The following SIL1 variants were observed in gnomAD, a reference collection of about 807,000 sequenced individuals.
The protein encoded by SIL1 is SIL1 nucleotide exchange factor.
SIL1 carries 40 observed loss-of-function variants against 49.1 expected under a neutral mutation model. The observed-to-expected ratio is 0.81, with a 90% CI of 0.63 to 1.06. The LOEUF (loss-of-function observed/expected upper bound fraction) is 1.06, where lower values mean the gene tolerates loss of function less well. Among genes scored for constraint, SIL1 ranks in the 50% least tolerant of loss-of-function variants. The probability of loss-of-function intolerance (pLI) is 0.00; values close to 1 mark genes in which losing one functional copy is unlikely to be tolerated. For missense variants in SIL1, 500 were observed against 572.6 expected (o/e 0.87, Z 1.29); for synonymous variants, 253 against 250.8 (o/e 1.01, Z -0.08).
chr5:139,091,219 A>C (rs1302458702), intron 3 of SIL1, among the ~76,000 whole-genome samples: 1 of 152,168 alleles, frequency 6.6e-6, no homozygotes, highest in Non-Finnish European at 1.5e-5. Flanking sequence ...ATTATGCAAA[A>C]ATAAAAAGTT....
At chr5:139,011,283 C>T (rs1005733402) in intron 7 of SIL1, among the ~76,000 whole-genome samples, 3 of 150,946 alleles carry the variant, frequency 2.0e-5, no homozygotes, top group African/African-American at 7.3e-5. Context: ...TGACCCCTTG[C>T]GCTTCCCAGG....
At chr5:139,097,402 A>G (rs892782230) in intron 3 of SIL1, among the ~76,000 whole-genome samples, 3 of 152,172 alleles carry the variant, frequency 2.0e-5, no homozygotes, top group Non-Finnish European at 2.9e-5. Context: ...AATAACTTAA[A>G]GACTCCCCCA....
chr5:138,982,648 G>A (rs1404545493), intron 7 of SIL1, among the ~76,000 whole-genome samples: 4 of 152,334 alleles, frequency 2.6e-5, no homozygotes, highest in African/African-American at 9.6e-5. Context: ...GTTTGGCCAA[G>A]GTCACTGTAC....
intron 1 of SIL1, among the ~76,000 whole-genome samples, chr5:139,153,455 G>C (rs1751348201): frequency 6.6e-6 from 1 of 152,156 alleles, no homozygotes; most frequent in Admixed American, 6.5e-5. Flanking sequence ...ACTAGCTCAA[G>C]ACTTGAGACA....
At chr5:139,084,792 A>T (rs1346730524) in intron 3 of SIL1, among the ~76,000 whole-genome samples, 1 of 150,880 alleles carries the variant, frequency 6.6e-6, no homozygotes, top group Non-Finnish European at 1.5e-5. Context: ...AATAAAAATA[A>T]AAATAAATAA....
At chr5:139,163,384 T>C (rs1490186314) in intron 1 of SIL1, among the ~76,000 whole-genome samples, 1 of 152,156 alleles carries the variant, frequency 6.6e-6, no homozygotes. Flanking sequence ...TTTTTTCTTT[T>C]GTGGAGACAA....
In SIL1 at chr5:139,170,935, G is replaced by A. The variant is rs1183276074; in HGVS notation, c.-11+27334C>T. On this transcript the variant is annotated intron_variant, in intron 1 of 9. Coordinates refer to ENST00000394817, the MANE Select transcript of SIL1 (RefSeq NM_022464.5). ...GCCCCTCTGCCCAGCCAGCCGCCCC[G>A]TCCGGGAGGGAGGTGGGGGGGTCAG... is the stretch of plus-strand genomic sequence containing the variant. Among the ~76,000 whole-genome samples, 11 of 145,674 alleles carry A rather than the reference G, an allele frequency of 7.6e-5. 1 individual carries two copies. The South Asian group carries it at 1.1e-3, about 15-fold the overall frequency.
chr5:139,087,857 C>T (rs957997154), intron 3 of SIL1, among the ~76,000 whole-genome samples: 1 of 152,154 alleles, frequency 6.6e-6, no homozygotes, highest in African/African-American at 2.4e-5. Flanking sequence ...AAGAAAAAGC[C>T]TCCTCAGGGA....
intron 5 of SIL1, chr5:139,035,349 T>C: frequency 1.9e-6 from 1 of 533,140 alleles, no homozygotes. Context: ...TCCACTGTGT[T>C]TGATGTTTTT....
chr5:139,148,409 C>A (rs1033909689), intron 1 of SIL1, among the ~76,000 whole-genome samples: 2 of 152,154 alleles, frequency 1.3e-5, no homozygotes, highest in African/African-American at 4.8e-5. Flanking sequence ...ATAGGGATAC[C>A]AGTGGGACCC....
chr5:139,184,036 T>C (rs17131959), intron 1 of SIL1, among the ~76,000 whole-genome samples: 5,916 of 152,254 alleles, frequency 0.039, 384 homozygotes, highest in African/African-American at 0.13. Flanking sequence ...ATTGCCCCAT[T>C]GAAGCTTTAG....
chr5:138,946,818 G>GT lies in SIL1; in HGVS notation c.*298dup. The GT allele has an allele frequency of 4.2e-6, 2 of 471,882 alleles. No homozygotes were observed. The highest frequency in any genetic ancestry group is 7.8e-6 in the Non-Finnish European group (2 of 255,490). The allele number at this position is 471,882 out of a possible 1,614,324, so 29.2% of individuals were successfully genotyped here. A position where few individuals can be genotyped will look rare whatever the true frequency, so the allele number is the denominator to read the frequency against. ...TCCCAAGGTACAGAGCTGCTGCTTG[G>GT]TAAGAAGCAGAGACTTGCAACTCCT... On this transcript the variant is annotated 3_prime_UTR_variant, in exon 10 of 10. Coordinates refer to ENST00000394817, the MANE Select transcript of SIL1 (RefSeq NM_022464.5).
intron 7 of SIL1, among the ~76,000 whole-genome samples, chr5:138,992,723 T>C (rs967529813): frequency 9.7e-5 from 14 of 144,804 alleles, no homozygotes; most frequent in Admixed American, 3.4e-4. Flanking sequence ...CGGGGAAGGG[T>C]GGGAGGGGGT....
intron 3 of SIL1, among the ~76,000 whole-genome samples, chr5:139,116,991 A>G (rs907941341): frequency 2.0e-5 from 3 of 152,218 alleles, no homozygotes; most frequent in Non-Finnish European, 4.4e-5. Flanking sequence ...GCTCAAAGAG[A>G]GAGCTGCAGA....
At chr5:139,131,051 G>A (rs558472362) in intron 1 of SIL1, among the ~76,000 whole-genome samples, 16 of 152,262 alleles carry the variant, frequency 1.1e-4, no homozygotes, top group South Asian at 6.2e-4. Flanking sequence ...TAGGATAGAC[G>A]TCAAGAAAAC....
At chr5:139,030,613 C>CA (rs1200512912) in intron 5 of SIL1, among the ~76,000 whole-genome samples, 85 of 81,908 alleles carry the variant, frequency 1.0e-3, no homozygotes, top group South Asian at 3.6e-3. Flanking sequence ...GAGACCCTGT[C>CA]AAAAAAAAAA....
intron 3 of SIL1, among the ~76,000 whole-genome samples, chr5:139,067,770 G>C (rs1474124973): frequency 6.6e-6 from 1 of 152,218 alleles, no homozygotes; most frequent in Non-Finnish European, 1.5e-5. Context: ...TTAGTGCAAG[G>C]CTTTTGGGCA....
intron 7 of SIL1, among the ~76,000 whole-genome samples, chr5:138,976,208 T>G (rs1767390216): frequency 6.6e-6 from 1 of 152,078 alleles, no homozygotes; most frequent in South Asian, 2.1e-4. Context: ...TGCCCATACC[T>G]CTGCCTCCAG....
At chr5:139,165,140 C>G (rs532600659) in intron 1 of SIL1, among the ~76,000 whole-genome samples, 23 of 152,308 alleles carry the variant, frequency 1.5e-4, no homozygotes, top group African/African-American at 5.5e-4. Flanking sequence ...ACAACCTGCT[C>G]TCTCTGAAGT....
Sources: gnomAD v4.1 joint callset for allele counts (sites outside exome capture counted in the v4.1 genomes callset) on GRCh38, gnomAD v4.1.1 for gene constraint, MANE v1.5 for transcripts, NCBI Gene and HGNC (gene_info 2026-07-23, HGNC 2026-07-21) for gene names.